VAV2: variants seen among roughly 807,000 people sequenced by gnomAD.
VAV2 encodes the protein vav guanine nucleotide exchange factor 2.
A neutral mutation model predicts 132.5 loss-of-function variants in VAV2; 67 were observed. That is an observed-to-expected ratio of 0.51 (90% CI 0.42 to 0.62). The LOEUF is 0.62. VAV2 is among the 20% of genes least tolerant of loss of function. The probability of loss-of-function intolerance (pLI) is 0.00; values close to 1 mark genes in which losing one functional copy is unlikely to be tolerated. For missense variants in VAV2, 938 were observed against 1,153.6 expected, an observed-to-expected ratio of 0.81 and a Z score of 2.71; for synonymous variants, 492 against 443.5, an observed-to-expected ratio of 1.11 and a Z score of -1.37.
chr9:133,783,016 A>C (rs1225348093), intron 19 of VAV2, among the ~76,000 whole-genome samples: 1 of 152,176 alleles, frequency 6.6e-6, no homozygotes. Context: ...GGGCATGAAC[A>C]GAAGGGAACC....
intron 2 of VAV2, among the ~76,000 whole-genome samples, chr9:133,870,343 G>A (rs995827119): frequency 4.6e-5 from 7 of 152,200 alleles, no homozygotes; most frequent in African/African-American, 1.4e-4. Context: ...ACTCGAGCCA[G>A]GCAACTAGCA....
chr9:133,910,420 G>A (rs1839836887), intron 2 of VAV2, among the ~76,000 whole-genome samples: 1 of 152,114 alleles, frequency 6.6e-6, no homozygotes, highest in Non-Finnish European at 1.5e-5. Context: ...GGGGCACCGT[G>A]CGGTGGGCTC....
intron 2 of VAV2, among the ~76,000 whole-genome samples, chr9:133,921,138 C>T (rs1380982515): frequency 6.6e-6 from 1 of 152,184 alleles, no homozygotes; most frequent in Non-Finnish European, 1.5e-5. Context: ...GGGGAGACGG[C>T]GGGGGATACA....
intron 2 of VAV2, 72 bp downstream of exon 2, chr9:133,939,031 C>A: frequency 7.0e-7 from 1 of 1,424,330 alleles, no homozygotes; most frequent in East Asian, 2.3e-5. Context: ...ATGGATCTGG[C>A]CCACCTGCCG....
intron 4 of VAV2, among the ~76,000 whole-genome samples, chr9:133,816,905 T>C (rs1297412435): frequency 6.6e-6 from 1 of 152,230 alleles, no homozygotes; most frequent in Non-Finnish European, 1.5e-5. Flanking sequence ...TCATAGAAAC[T>C]CTTGAAATCA....
intron 17 of VAV2, among the ~76,000 whole-genome samples, chr9:133,785,364 T>A (rs1238988850): frequency 6.6e-6 from 1 of 152,214 alleles, no homozygotes; most frequent in Non-Finnish European, 1.5e-5. Flanking sequence ...AAAATAGTTC[T>A]GTGGCTTCAA....
intron 1 of VAV2, among the ~76,000 whole-genome samples, chr9:133,970,362 G>A (rs1225949729): frequency 6.6e-6 from 1 of 152,200 alleles, no homozygotes. Context: ...GAGGCTGGGG[G>A]ATGGCACCAC....
At chr9:133,909,592 A>C (rs910357104) in intron 2 of VAV2, among the ~76,000 whole-genome samples, 2 of 152,026 alleles carry the variant, frequency 1.3e-5, no homozygotes, top group East Asian at 3.9e-4. Context: ...TCCACAAGAG[A>C]TAGCCAGCGG....
At position 133,857,226 on chromosome 9, in the gene VAV2, C is replaced by G. The variant is rs1405930849; in HGVS notation, c.380+4148G>C. The stretch of plus-strand genomic sequence containing the variant: ...GCACCCCCAATCTGGAGGGCTAGCT[C>G]TGGCCACAGCAAGACCCACATCCCC... On this transcript the variant is annotated intron_variant, in intron 3 of 29. Transcript: ENST00000371850. This position sits in a 1 kb window ranked among gnomAD's most constrained non-coding sequence, Gnocchi z 4.0. Among the ~76,000 whole-genome samples the G allele has an allele frequency of 6.6e-6, 1 of 152,198 alleles. No individual in the cohort carries two copies. The highest frequency in any genetic ancestry group is 1.5e-5 in the Non-Finnish European group (1 of 68,044).
intron 29 of VAV2, among the ~76,000 whole-genome samples, chr9:133,765,654 G>C (rs892694718): frequency 1.3e-5 from 2 of 152,206 alleles, no homozygotes; most frequent in Admixed American, 6.5e-5. Context: ...GGAGAGAAGA[G>C]CTAGAGAAGA....
At chr9:133,832,647 C>T (rs1177852129) in intron 4 of VAV2, among the ~76,000 whole-genome samples, 1 of 152,162 alleles carries the variant, frequency 6.6e-6, no homozygotes, top group African/African-American at 2.4e-5. Flanking sequence ...TAACCTCCGC[C>T]TCCTGAGTTC....
intron 3 of VAV2, among the ~76,000 whole-genome samples, chr9:133,854,653 A>G (rs1486906954): frequency 6.6e-6 from 1 of 150,478 alleles, no homozygotes; most frequent in Non-Finnish European, 1.5e-5. Context: ...GGAGGGGGCC[A>G]GACCCCAGCC....
At position 133,907,905 on chromosome 9, in the gene VAV2, G is replaced by GA. The variant is rs1486449886; in HGVS notation, c.321+31197_321+31198insT. Among the ~76,000 whole-genome samples, 752 of 121,210 alleles carry GA rather than the reference G, an allele frequency of 6.2e-3. 12 individuals are homozygous for GA. Among genetic ancestry groups the GA allele is most frequent in the African/African-American group, 0.023 (695 of 30,474 alleles). 79.5% of individuals were successfully genotyped at this position (121,210 alleles called of 152,430 possible). On this transcript the variant is annotated intron_variant, in intron 2 of 29. Transcript: ENST00000371850. ...CCCCCAGAGAGTGGAGGGAGGGCCT[G>GA]GGGCACCCCTCCCACCATGCCCCCC...
chr9:133,976,122 C>G (rs1467052639), intron 1 of VAV2, among the ~76,000 whole-genome samples: 1 of 152,028 alleles, frequency 6.6e-6, no homozygotes. Context: ...CAGAGAATTG[C>G]TTGAACCCAG....
At chr9:133,941,518 A>T (rs186136051) in intron 1 of VAV2, among the ~76,000 whole-genome samples, 1 of 152,274 alleles carries the variant, frequency 6.6e-6, no homozygotes, top group Non-Finnish European at 1.5e-5. Context: ...TGTGAGTCTA[A>T]AACACTCCAT....
At chr9:133,803,310 T>G (rs1835009858) in intron 9 of VAV2, among the ~76,000 whole-genome samples, 1 of 152,114 alleles carries the variant, frequency 6.6e-6, no homozygotes, top group South Asian at 2.1e-4. Flanking sequence ...GAAAGCCAGT[T>G]CGTGGCCTTC....
At chr9:133,799,583 G>A (rs938321568) in intron 9 of VAV2, among the ~76,000 whole-genome samples, 1 of 152,196 alleles carries the variant, frequency 6.6e-6, no homozygotes, top group Admixed American at 6.5e-5. Context: ...CTGCATGGAG[G>A]CATCACCATC....
At chr9:133,871,744 C>T (rs1838064435) in intron 2 of VAV2, among the ~76,000 whole-genome samples, 1 of 152,136 alleles carries the variant, frequency 6.6e-6, no homozygotes, top group African/African-American at 2.4e-5. Context: ...CTGAGAAAAC[C>T]CAAGTTCAGA....
chr9:133,927,329 C>T (rs757889725), intron 2 of VAV2, among the ~76,000 whole-genome samples: 2 of 152,166 alleles, frequency 1.3e-5, no homozygotes, highest in South Asian at 4.1e-4. Flanking sequence ...CACTACCAAT[C>T]GATCAGGATT....
Sources: allele counts gnomAD v4.1 joint callset (sites outside exome capture counted in the v4.1 genomes callset), GRCh38; gene constraint gnomAD v4.1.1; non-coding constraint Gnocchi (gnomAD v3.1); transcripts MANE v1.5; gene names NCBI Gene and HGNC (gene_info 2026-07-23, HGNC 2026-07-21).